IGSF21: variants seen among roughly 807,000 people sequenced by gnomAD.
IGSF21 encodes the protein immunoglobin superfamily member 21.
Under a neutral mutation model 46.8 loss-of-function variants are expected in IGSF21, and 28 were observed. The ratio of observed to expected loss-of-function variants is 0.60; its 90% CI spans 0.44 to 0.82. The LOEUF (loss-of-function observed/expected upper bound fraction) is 0.82. Among genes scored for constraint, IGSF21 ranks in the 40% least tolerant of loss-of-function variants. The pLI is 0.00. For synonymous variants in IGSF21, 284 were observed against 273.6 expected (o/e 1.04, Z -0.38); for missense variants, 624 against 665.5 (o/e 0.94, Z 0.69).
Position 18,206,278 on chromosome 1 carries a change from G to A in IGSF21, c.71-21620G>A, listed in dbSNP as rs762548503. On this transcript the variant is annotated intron_variant, in intron 1 of 9. Coordinates refer to ENST00000251296, the MANE Select transcript of IGSF21 (RefSeq NM_032880.5). ...CAAATGTGTTCTGGGGCTGGGTGCC[G>A]TGGCTCATGCCTGCAATCCCAGCAC... 3.4e-4 allele frequency among the ~76,000 whole-genome samples: 52 copies of A among 152,228 alleles called. 1 individual carries two copies. In the East Asian group the frequency reaches 6.2e-3, roughly 18 times the overall value.
At chr1:18,377,067 A>C in intron 8 of IGSF21, 75 bp downstream of exon 8, 1 of 1,483,838 alleles carries the variant, frequency 6.7e-7, no homozygotes, top group African/African-American at 1.4e-5. Flanking sequence ...CCCCAGGAGG[A>C]AGAAGCAGTA....
chr1:18,248,960 A>G (rs1374626132), intron 2 of IGSF21, among the ~76,000 whole-genome samples: 6 of 152,100 alleles, frequency 3.9e-5, no homozygotes, highest in African/African-American at 1.4e-4. Context: ...AAAAGTATAC[A>G]CTAAGGTTTG....
intron 2 of IGSF21, among the ~76,000 whole-genome samples, chr1:18,262,044 C>A (rs1186970030): frequency 1.3e-5 from 2 of 152,212 alleles, no homozygotes; most frequent in Admixed American, 1.3e-4. Flanking sequence ...TGAAACCTTC[C>A]AGAGCCCCAC....
rs577614471 is a variant in IGSF21 at position 18,203,789 on chromosome 1, C to G, written c.71-24109C>G. Among the ~76,000 whole-genome samples the G allele has an allele frequency of 9.2e-5, 14 of 152,290 alleles. 2 individuals are homozygous for G. Among genetic ancestry groups the G allele is most frequent in the African/African-American group, 3.4e-4 (14 of 41,550 alleles). On this transcript the variant is annotated intron_variant, in intron 1 of 9. Transcript: ENST00000251296. ...TAGTTCTTTCTAAGCCTGGGGTCAG[C>G]ACATTTTCCTGTAAAGAGCTAGATG...
At chr1:18,237,202 C>T (rs1325367842) in intron 2 of IGSF21, among the ~76,000 whole-genome samples, 4 of 152,150 alleles carry the variant, frequency 2.6e-5, no homozygotes, top group Non-Finnish European at 5.9e-5. Flanking sequence ...TTAGGGGATT[C>T]TAGTGTAATT....
At chr1:18,309,724 G>A (rs1482530180) in intron 3 of IGSF21, among the ~76,000 whole-genome samples, 1 of 152,192 alleles carries the variant, frequency 6.6e-6, no homozygotes, top group Non-Finnish European at 1.5e-5. Flanking sequence ...GCCAGTGTGG[G>A]AGGCAGCAGT....
chr1:18,230,820 C>T (rs1456560606), intron 2 of IGSF21, among the ~76,000 whole-genome samples: 7 of 152,196 alleles, frequency 4.6e-5, no homozygotes, highest in African/African-American at 1.7e-4. Context: ...GCAGCAGCAA[C>T]AGGAGCTCCA....
chr1:18,334,960 C>T lies in IGSF21; in HGVS notation c.374C>T (p.Thr125Ile), dbSNP rs1170346511. The stretch of plus-strand genomic sequence containing the variant: ...CATGTGGGCATCTACGACCGCGCCA[C>T]CAGGGAGAAGGTGGTCCTGGCATCA... ...ECHVGIYDRA[T>I]REKVVLASGN... Residue 125 changes from threonine (T) to isoleucine (I), a missense_variant, in exon 4 of 10, where the codon ACC becomes ATC. Transcript: ENST00000251296. The surrounding 1 kb of genome is among the most constrained non-coding windows in gnomAD (Gnocchi z 4.3). The T allele has an allele frequency of 1.2e-6, 2 of 1,614,180 alleles. No individual in the cohort carries two copies. Among genetic ancestry groups the T allele is most frequent in the East Asian group, 2.2e-5 (1 of 44,880 alleles).
intron 2 of IGSF21, among the ~76,000 whole-genome samples, chr1:18,249,644 A>G (rs74056560): frequency 0.06 from 9,080 of 152,204 alleles, 855 homozygotes; most frequent in African/African-American, 0.2. Context: ...GTGCCTATAA[A>G]TCTCTCTGGT....
chr1:18,359,523 C>T (rs144466632), intron 4 of IGSF21, among the ~76,000 whole-genome samples: 130 of 135,556 alleles, frequency 9.6e-4, no homozygotes, highest in African/African-American at 3.3e-3. Context: ...AAAAGCAATC[C>T]TCTCCTCTCA....
intron 9 of IGSF21, 152 bp from the exon 10 acceptor site, chr1:18,378,104 A>G (rs1169025361): frequency 3.2e-6 from 2 of 628,216 alleles, no homozygotes; most frequent in African/African-American, 1.8e-5. Flanking sequence ...GAGATCATGG[A>G]CAGTTAGGTG....
At chr1:18,304,708 TAC>T (rs931235898) in intron 3 of IGSF21, among the ~76,000 whole-genome samples, 13 of 63,298 alleles carry the variant, frequency 2.1e-4, no homozygotes, top group South Asian at 5.6e-4. Flanking sequence ...CACACACACA[TAC>T]ACACACACAC....
rs3738090 is a variant in IGSF21, at chr1:18,109,254, G to A, written c.70+1056G>A. On this transcript the variant is annotated intron_variant, in intron 1 of 9. Transcript: ENST00000251296. The surrounding 1 kb of genome is among the most constrained non-coding windows in gnomAD (Gnocchi z 4.8). ...AGGGAGGCGGGACCAGCGAAGAGCCGCAGGCACCGAGACTACAGGCTCCGC... is the reference window on the plus strand; with the variant it reads ...AGGGAGGCGGGACCAGCGAAGAGCCACAGGCACCGAGACTACAGGCTCCGC... The A allele has an allele frequency of 0.46, 70,200 of 151,800 alleles. 16,649 individuals carry two copies. The highest frequency in any genetic ancestry group is 0.66 in the South Asian group (3,171 of 4,784). The allele number at this position is 151,800 out of a possible 1,614,324, so 9.4% of individuals were successfully genotyped here.
chr1:18,249,359 G>C (rs80006755), intron 2 of IGSF21, among the ~76,000 whole-genome samples: 1 of 152,112 alleles, frequency 6.6e-6, no homozygotes, highest in African/African-American at 2.4e-5. Context: ...TCAGCAGTTG[G>C]GGGTGGATCA....
chr1:18,320,737 G>A (rs2085593307), intron 3 of IGSF21, among the ~76,000 whole-genome samples: 1 of 152,192 alleles, frequency 6.6e-6, no homozygotes, highest in Non-Finnish European at 1.5e-5. Context: ...CTGGACTTGA[G>A]TTCCTGCCCA....
intron 1 of IGSF21, among the ~76,000 whole-genome samples, chr1:18,163,467 C>T (rs963887113): frequency 1.3e-5 from 2 of 152,074 alleles, no homozygotes; most frequent in Non-Finnish European, 2.9e-5. Flanking sequence ...TGGCACTTGC[C>T]GGGAGGCGGT....
intron 5 of IGSF21, among the ~76,000 whole-genome samples, chr1:18,364,323 A>C (rs1264851085): frequency 6.6e-6 from 1 of 152,082 alleles, no homozygotes; most frequent in Non-Finnish European, 1.5e-5. Flanking sequence ...GCAGGCTATC[A>C]TGTGCAGAAG....
At chr1:18,339,561 G>T (rs1448096738) in intron 4 of IGSF21, among the ~76,000 whole-genome samples, 1 of 152,072 alleles carries the variant, frequency 6.6e-6, no homozygotes, top group African/African-American at 2.4e-5. Flanking sequence ...GCGAAATCCC[G>T]TTTCTACAAA....
intron 1 of IGSF21, among the ~76,000 whole-genome samples, chr1:18,143,561 G>A (rs559067763): frequency 2.0e-5 from 3 of 152,212 alleles, no homozygotes; most frequent in African/African-American, 4.8e-5. Flanking sequence ...CACCACAGAC[G>A]CCTTGTGGGG....
Sources: allele counts gnomAD v4.1 joint callset (sites outside exome capture counted in the v4.1 genomes callset), GRCh38; gene constraint gnomAD v4.1.1; non-coding constraint Gnocchi (gnomAD v3.1); transcripts MANE v1.5; gene names NCBI Gene and HGNC (gene_info 2026-07-23, HGNC 2026-07-21).